Variants in IMMP2L observed in about 807,000 individuals in gnomAD.
IMMP2L encodes inner mitochondrial membrane peptidase subunit 2, also known as mitochondrial inner membrane protease subunit 2.
In IMMP2L, 18 loss-of-function variants were observed where a neutral mutation model predicts 19.3. The ratio of observed to expected loss-of-function variants is 0.93; its 90% confidence interval spans 0.64 to 1.38. The LOEUF is 1.38. IMMP2L is among the 40% of genes most tolerant of loss of function. The pLI is 0.00. For missense variants in IMMP2L, 233 were observed against 218.2 expected, an observed-to-expected ratio of 1.07 and a Z score of -0.43; for synonymous variants, 76 against 73.0, an observed-to-expected ratio of 1.04 and a Z score of -0.21.
At chr7:110,936,074 A>G (rs965497934) in intron 4 of IMMP2L, among the ~76,000 whole-genome samples, 1 of 152,270 alleles carries the variant, frequency 6.6e-6, no homozygotes, top group Admixed American at 6.5e-5. Flanking sequence ...ACTTAAACGT[A>G]AGACCTAAAA....
intron 3 of IMMP2L, among the ~76,000 whole-genome samples, chr7:111,432,665 A>G (rs1278440743): frequency 6.6e-6 from 1 of 151,662 alleles, no homozygotes; most frequent in Admixed American, 6.6e-5. Flanking sequence ...AAGGACAAGA[A>G]TTCCCACTTT....
chr7:111,475,399 A>G (rs1412840977), intron 3 of IMMP2L, among the ~76,000 whole-genome samples: 1 of 152,044 alleles, frequency 6.6e-6, no homozygotes, highest in Non-Finnish European at 1.5e-5. Context: ...TCTACTCACC[A>G]AAACAGTGCC....
At chr7:111,505,834 C>T (rs1203770962) in intron 2 of IMMP2L, among the ~76,000 whole-genome samples, 3 of 149,458 alleles carry the variant, frequency 2.0e-5, no homozygotes, top group Admixed American at 6.7e-5. Flanking sequence ...GTGGGGGGAG[C>T]GGGGAGGGAT....
chr7:111,381,186 GAGA>G (rs1157232908), intron 3 of IMMP2L, among the ~76,000 whole-genome samples: 1 of 151,964 alleles, frequency 6.6e-6, no homozygotes, highest in African/African-American at 2.4e-5. Context: ...GAGGGAAGTA[GAGA>G]AGGGCCAGAC....
intron 4 of IMMP2L, among the ~76,000 whole-genome samples, chr7:110,948,375 G>A (rs1396106761): frequency 6.6e-6 from 1 of 152,136 alleles, no homozygotes; most frequent in Non-Finnish European, 1.5e-5. Flanking sequence ...CTATAACAAT[G>A]AATGAATTGA....
chr7:110,899,716 C>A (rs961601375), intron 4 of IMMP2L, among the ~76,000 whole-genome samples: 1 of 152,026 alleles, frequency 6.6e-6, no homozygotes, highest in Admixed American at 6.6e-5. Context: ...TAGTACATGG[C>A]GGGTGGCAGG....
At chr7:111,370,605 A>C (rs1397750459) in intron 3 of IMMP2L, among the ~76,000 whole-genome samples, 1 of 152,014 alleles carries the variant, frequency 6.6e-6, no homozygotes, top group Non-Finnish European at 1.5e-5. Context: ...ATATTAACAC[A>C]GAGAAAGAAA....
chr7:110,921,631 C>A (rs1419635935), intron 4 of IMMP2L, among the ~76,000 whole-genome samples: 1 of 152,136 alleles, frequency 6.6e-6, no homozygotes, highest in Non-Finnish European at 1.5e-5. Context: ...CACTCCCCTG[C>A]TTGTTTCTTC....
At position 110,809,708 on chromosome 7, in the gene IMMP2L, T is replaced by C. The variant is rs1801894445; in HGVS notation, c.408+76885A>G. On this transcript the variant is annotated intron_variant, in intron 5 of 5. Coordinates refer to ENST00000405709, the MANE Select transcript of IMMP2L (RefSeq NM_032549.4). ...TGTTAAAATGAAGTTCTTCAAAACC[T>C]GAAATAAACAATTACTACATTTCTC... Among the ~76,000 whole-genome samples, 3 of 152,064 alleles carry C rather than the reference T, an allele frequency of 2.0e-5. No homozygotes were observed. In the South Asian group the frequency reaches 6.2e-4, roughly 31 times the overall value.
chr7:111,117,665 C>T (rs568609207), intron 3 of IMMP2L, among the ~76,000 whole-genome samples: 2 of 151,936 alleles, frequency 1.3e-5, no homozygotes, highest in Non-Finnish European at 2.9e-5. Flanking sequence ...ATGGAACCTT[C>T]AATTAGAACT....
intron 3 of IMMP2L, among the ~76,000 whole-genome samples, chr7:111,458,088 A>G (rs1295411989): frequency 6.6e-6 from 1 of 152,186 alleles, no homozygotes; most frequent in Non-Finnish European, 1.5e-5. Flanking sequence ...ATCAATTTTT[A>G]TAGAATGCAC....
intron 2 of IMMP2L, among the ~76,000 whole-genome samples, chr7:111,501,073 G>C (rs1033239903): frequency 1.4e-4 from 21 of 151,418 alleles, no homozygotes; most frequent in African/African-American, 4.6e-4. Context: ...TAAAAACTTT[G>C]AAAAAAAATT....
rs151248608 is a variant in IMMP2L, at chr7:110,689,330, G to C, written c.409-25609C>G. Among the ~76,000 whole-genome samples the C allele has an allele frequency of 3.9e-5, 6 of 152,120 alleles. No individual in the cohort carries two copies. The East Asian group carries it at 9.7e-4, about 24-fold the overall frequency. On this transcript the variant is annotated intron_variant, in intron 5 of 5. Transcript: ENST00000405709. Reference sequence around the variant, plus strand: ...AGCAAAGAGATGATTAGAGTAGTATGCACATGTTATTTTTTCCATCTATTT... The same window carrying C: ...AGCAAAGAGATGATTAGAGTAGTATCCACATGTTATTTTTTCCATCTATTT...
intron 3 of IMMP2L, among the ~76,000 whole-genome samples, chr7:111,157,207 C>T (rs1376326820): frequency 6.6e-6 from 1 of 152,034 alleles, no homozygotes; most frequent in African/African-American, 2.4e-5. Flanking sequence ...CCATATGATC[C>T]AGTACTCCCA....
chr7:110,791,399 T>C (rs1800448543), intron 5 of IMMP2L, among the ~76,000 whole-genome samples: 2 of 151,636 alleles, frequency 1.3e-5, no homozygotes, highest in South Asian at 2.1e-4. Context: ...CTCTTTAAAA[T>C]ATTTTGCCAG....
intron 5 of IMMP2L, among the ~76,000 whole-genome samples, chr7:110,802,128 T>G (rs1423536415): frequency 6.6e-6 from 1 of 152,040 alleles, no homozygotes; most frequent in African/African-American, 2.4e-5. Context: ...TCATTGATCT[T>G]GGTCATCTTT....
chr7:111,535,651 A>G (rs925779499), intron 1 of IMMP2L, among the ~76,000 whole-genome samples: 4 of 152,130 alleles, frequency 2.6e-5, no homozygotes, highest in Non-Finnish European at 4.4e-5. Flanking sequence ...GTCAAATACT[A>G]TAGGCGGTAT....
chr7:110,720,890 A>G lies in IMMP2L; in HGVS notation c.409-57169T>C, dbSNP rs139247547. Among the ~76,000 whole-genome samples the G allele has an allele frequency of 6.3e-3, 959 of 152,160 alleles. 7 individuals are homozygous for G. Among genetic ancestry groups the G allele is most frequent in the African/African-American group, 0.022 (907 of 41,518 alleles). ...TTCATTCACAGGTATCTAGGAACAC[A>G]TATTTCTCCTCCATACCTCTGGATT... On this transcript the variant is annotated intron_variant, in intron 5 of 5. Transcript: ENST00000405709.
intron 3 of IMMP2L, among the ~76,000 whole-genome samples, chr7:111,352,766 T>C (rs948435139): frequency 3.3e-5 from 5 of 152,110 alleles, no homozygotes; most frequent in African/African-American, 1.2e-4. Flanking sequence ...CACTCTGATT[T>C]GGCACCTGTC....
Sources: gnomAD v4.1 joint callset for allele counts (sites outside exome capture counted in the v4.1 genomes callset) on GRCh38, gnomAD v4.1.1 for gene constraint, MANE v1.5 for transcripts, NCBI Gene and HGNC (gene_info 2026-07-23, HGNC 2026-07-21) for gene names.